Variants in ATP6V0A2 observed in about 807,000 individuals in gnomAD.
ATP6V0A2 encodes the protein ATPase H+ transporting V0 subunit a2.
Under a neutral mutation model 104.4 loss-of-function variants are expected in ATP6V0A2, and 58 were observed. That is an observed-to-expected ratio of 0.56 (90% CI 0.45 to 0.69). The LOEUF (loss-of-function observed/expected upper bound fraction) is 0.69. ATP6V0A2 is among the 30% of genes least tolerant of loss of function. The pLI, the probability that ATP6V0A2 is intolerant of heterozygous loss-of-function variation, is 0.00. For missense variants in ATP6V0A2, 938 were observed against 1,062.9 expected (o/e 0.88, Z 1.63); for synonymous variants, 376 against 397.9 (o/e 0.95, Z 0.65).
rs540159264 is a variant in ATP6V0A2, at chr12:123,743,902, T to C, written c.1156T>C (p.Tyr386His). ...GGGATTTCAGAACATCGTGGATGCT[T>C]ATGGAGTCGGAAGCTACAGAGAAGT... ...TEGFQNIVDAYGVGSYREVNP... is the reference protein window; with the variant it reads ...TEGFQNIVDAHGVGSYREVNP... The change falls in exon 10 of 20, where the codon TAT (tyrosine) becomes CAT (histidine). Residue 386 changes from tyrosine (Y) to histidine (H), a missense_variant. Coordinates refer to ENST00000330342, the MANE Select transcript of ATP6V0A2 (RefSeq NM_012463.4). 1 of 1,614,158 alleles carries C rather than the reference T, an allele frequency of 6.2e-7. No individual in the cohort carries two copies. The highest frequency in any genetic ancestry group is 1.3e-5 in the African/African-American group (1 of 75,016).
intron 1 of ATP6V0A2, among the ~76,000 whole-genome samples, chr12:123,717,981 G>A (rs1385087688): frequency 6.6e-6 from 1 of 151,962 alleles, no homozygotes; most frequent in Non-Finnish European, 1.5e-5. Flanking sequence ...CTGGATTGCA[G>A]TGGTGTGATC....
chr12:123,732,489 C>G (rs143323629), intron 6 of ATP6V0A2: 4 of 152,758 alleles, frequency 2.6e-5, no homozygotes, highest in Admixed American at 2.6e-4. Context: ...CTGTGGCCCT[C>G]GTCATTCCTC....
At chr12:123,743,971 A>G (rs1241511922) in intron 10 of ATP6V0A2, 36 bp downstream of exon 10, 1 of 1,613,192 alleles carries the variant, frequency 6.2e-7, no homozygotes, top group South Asian at 1.1e-5. Flanking sequence ...CGTATTTCCA[A>G]TGGCATTGTT....
rs906152754 is a variant in ATP6V0A2 at position 123,758,954 on chromosome 12, T to C, written c.*922T>C. 2 of 152,632 alleles carry C rather than the reference T, an allele frequency of 1.3e-5. No individual in the cohort carries two copies. The highest frequency in any genetic ancestry group is 2.9e-5 in the Non-Finnish European group (2 of 68,044). 9.5% of individuals were successfully genotyped at this position (152,632 alleles called of 1,614,324 possible). On this transcript the variant is annotated 3_prime_UTR_variant, in exon 20 of 20. Transcript: ENST00000330342. ...ATACAACAAATGGTTATCCCACTTG[T>C]ATATTTTTTTAAAGACTCTTATCCT...
rs764202775 is a variant in ATP6V0A2 at position 123,744,311 on chromosome 12, C to A, written c.1300C>A (p.His434Asn). The A allele has an allele frequency of 5.1e-5, 83 of 1,614,026 alleles. No individual in the cohort carries two copies. In the South Asian group the frequency reaches 8.6e-4, roughly 17 times the overall value. Residue 434 changes from histidine to asparagine, a missense_variant, in exon 11 of 20, where the codon CAT becomes AAT. Transcript: ENST00000330342. The surrounding 1 kb of genome is among the most constrained non-coding windows in gnomAD (Gnocchi z 5.4). ...FALLLVLNENHPRLNQSQEIM... is the reference protein window; with the variant it reads ...FALLLVLNENNPRLNQSQEIM... ...CCTCTTGTTGGTGTTAAATGAAAAT[C>A]ATCCCAGACTAAATCAGTCACAAGA... is the stretch of plus-strand genomic sequence containing the variant.
rs1328152541 is a variant in ATP6V0A2, at chr12:123,733,934, C to T, written c.657C>T (p.Val219=). The T allele has an allele frequency of 6.2e-7, 1 of 1,612,378 alleles. No individual in the cohort carries two copies. Among genetic ancestry groups the T allele is most frequent in the Non-Finnish European group, 8.5e-7 (1 of 1,178,464 alleles). ...ESLEDPETGE[V]IKWYVFLISF... is the part of the protein sequence containing the mutation. ...TTATTCATTCTTTGTAGGGGGAAGT[C>T]ATAAAATGGTATGTCTTTTTAATAT... Residue 219 remains valine, a synonymous_variant, in exon 7 of 20, where the codon GTC becomes GTT. Coordinates refer to ENST00000330342, the MANE Select transcript of ATP6V0A2 (RefSeq NM_012463.4).
chr12:123,718,573 G>A, intron 1 of ATP6V0A2, 50 bp from the exon 2 acceptor site: 2 of 1,368,760 alleles, frequency 1.5e-6, no homozygotes, highest in Non-Finnish European at 2.1e-6. Context: ...TTACATAAAA[G>A]TATTTTTAAA....
At position 123,739,311 on chromosome 12, in the gene ATP6V0A2, C is replaced by G. The variant is rs115931039; in HGVS notation, c.1038+2040C>G. Among the ~76,000 whole-genome samples the G allele has an allele frequency of 6.4e-3, 972 of 152,338 alleles. 11 individuals carry two copies. The highest frequency in any genetic ancestry group is 0.021 in the African/African-American group (890 of 41,562). Reference sequence around the variant, plus strand: ...CTCTTACTGCTTATAGTCCCTGTCTCTTCGCTTTCCTCATCTGTCCTGTCC... The same window carrying G: ...CTCTTACTGCTTATAGTCCCTGTCTGTTCGCTTTCCTCATCTGTCCTGTCC... On this transcript the variant is annotated intron_variant, in intron 9 of 19. Coordinates refer to ENST00000330342, the MANE Select transcript of ATP6V0A2 (RefSeq NM_012463.4).
At chr12:123,757,865 T>A in intron 19 of ATP6V0A2, 62 bp from the exon 20 acceptor site, 1 of 1,032,244 alleles carries the variant, frequency 9.7e-7, no homozygotes, top group Non-Finnish European at 1.4e-6. Flanking sequence ...AACTTATAAA[T>A]GTTGTTTTAA....
chr12:123,739,936 T>A (rs1411527555), intron 9 of ATP6V0A2, among the ~76,000 whole-genome samples: 1 of 152,198 alleles, frequency 6.6e-6, no homozygotes, highest in Non-Finnish European at 1.5e-5. Flanking sequence ...TAGAAAAATA[T>A]CTTTTCTTTT....
chr12:123,746,639 T>TAAA (rs760374381), intron 13 of ATP6V0A2, among the ~76,000 whole-genome samples: 1,301 of 83,544 alleles, frequency 0.016, 21 homozygotes, highest in African/African-American at 0.024. Flanking sequence ...CCCCTTACCT[T>TAAA]AAAAAAAAAA....
In ATP6V0A2 at chr12:123,760,699, A is replaced by C. The variant is rs975692486; in HGVS notation, c.*2667A>C. 6.6e-6 allele frequency: 1 copy of C among 152,210 alleles called. No homozygotes were observed. Among genetic ancestry groups the C allele is most frequent in the Non-Finnish European group, 1.5e-5 (1 of 68,036 alleles). 9.4% of individuals were successfully genotyped at this position (152,210 alleles called of 1,614,324 possible). ...CTTCAGTAAACTAGACTTTGATTCA[A>C]CCTGCTGGGCTGGAGACTGTAATTG... is the stretch of plus-strand genomic sequence containing the variant. On this transcript the variant is annotated 3_prime_UTR_variant, in exon 20 of 20. Coordinates refer to ENST00000330342, the MANE Select transcript of ATP6V0A2 (RefSeq NM_012463.4).
At position 123,748,681 on chromosome 12, in the gene ATP6V0A2, G is replaced by T. The variant is rs141345960; in HGVS notation, c.1831G>T (p.Val611Phe). The change falls in exon 15 of 20, where the codon GTT becomes TTT. Residue 611 changes from valine to phenylalanine, a missense_variant. By Grantham distance (50) the Val-to-Phe change is conservative. Transcript: ENST00000330342. ...ATTTATGATTTTCTACAAGTGGCTGGTTTTTTCAGCAGAAACCTCCAGAGT... is the reference window on the plus strand; with the variant it reads ...ATTTATGATTTTCTACAAGTGGCTGTTTTTTTCAGCAGAAACCTCCAGAGT... ...LIFMIFYKWL[V>F]FSAETSRVAP... 44 of 1,614,126 alleles carry T rather than the reference G, an allele frequency of 2.7e-5. No homozygotes were observed. The highest frequency in any genetic ancestry group is 3.1e-5 in the Non-Finnish European group (37 of 1,180,012).
intron 9 of ATP6V0A2, among the ~76,000 whole-genome samples, chr12:123,742,355 G>T (rs1956617729): frequency 6.6e-6 from 1 of 152,196 alleles, no homozygotes; most frequent in African/African-American, 2.4e-5. Context: ...TCTTGTAGCT[G>T]TTGGTGGTTT....
At chr12:123,720,404 A>G (rs1956387674) in intron 2 of ATP6V0A2, among the ~76,000 whole-genome samples, 1 of 152,232 alleles carries the variant, frequency 6.6e-6, no homozygotes, top group Non-Finnish European at 1.5e-5. Context: ...AACTGTTTCA[A>G]AAGAATGCAG....
At chr12:123,729,567 G>C (rs1366095466) in intron 6 of ATP6V0A2, among the ~76,000 whole-genome samples, 2 of 152,046 alleles carry the variant, frequency 1.3e-5, no homozygotes, top group African/African-American at 2.4e-5. Context: ...TGGAGGCAGC[G>C]GGGAGAGACA....
chr12:123,731,165 C>G (rs1225708888), intron 6 of ATP6V0A2: 1 of 152,156 alleles, frequency 6.6e-6, no homozygotes, highest in Non-Finnish European at 1.5e-5. Flanking sequence ...ATGTAGAAAA[C>G]AAGAAGAAAA....
chr12:123,754,454 T>C lies in ATP6V0A2; in HGVS notation c.2210T>C (p.Ile737Thr). 1 of 1,614,062 alleles carries C rather than the reference T, an allele frequency of 6.2e-7. No homozygotes were observed. Among genetic ancestry groups the C allele is most frequent in the Non-Finnish European group, 8.5e-7 (1 of 1,179,896 alleles). Residue 737 changes from isoleucine (I) to threonine (T), a missense_variant, in exon 18 of 20, where the codon ATC becomes ACC. Coordinates refer to ENST00000330342, the MANE Select transcript of ATP6V0A2 (RefSeq NM_012463.4). ...NFGEILMTQV[I>T]HSIEYCLGCI... ...GGAGAAATATTAATGACCCAAGTAA[T>C]CCATTCCATCGAGTACTGTCTGGGA... is the stretch of plus-strand genomic sequence containing the variant.
Position 123,754,455 on chromosome 12 carries a change from C to A in ATP6V0A2, c.2211C>A (p.Ile737=). 1.2e-6 allele frequency: 2 copies of A among 1,613,948 alleles called. No individual in the cohort carries two copies. Among genetic ancestry groups the A allele is most frequent in the South Asian group, 2.2e-5 (2 of 91,070 alleles). Residue 737 remains isoleucine, a synonymous_variant, in exon 18 of 20, where the codon ATC becomes ATA. Transcript: ENST00000330342. ...NFGEILMTQV[I]HSIEYCLGCI... ...GAGAAATATTAATGACCCAAGTAAT[C>A]CATTCCATCGAGTACTGTCTGGGAT...
Sources: gnomAD v4.1 joint callset for allele counts (sites outside exome capture counted in the v4.1 genomes callset) on GRCh38, gnomAD v4.1.1 for gene constraint, Gnocchi (gnomAD v3.1) non-coding constraint, MANE v1.5 for transcripts, NCBI Gene and HGNC (gene_info 2026-07-23, HGNC 2026-07-21) for gene names.